The following SYT1 variants were observed in gnomAD, a reference collection of about 807,000 sequenced individuals.
SYT1 encodes the protein synaptotagmin-1.
SYT1 carries 8 observed loss-of-function variants against 44.8 expected under a neutral mutation model. The observed-to-expected ratio is 0.18, with a 90% CI of 0.10 to 0.32. SYT1 has a LOEUF of 0.32. Ranked by LOEUF, SYT1 falls within the 10% of genes least tolerant of loss-of-function variation. SYT1 has a pLI of 1.00. For synonymous variants in SYT1, 154 were observed against 188.8 expected (o/e 0.82, Z 1.51); for missense variants, 286 against 509.3 (o/e 0.56, Z 4.22).
chr12:79,232,207 A>G (rs1269718896), intron 4 of SYT1, among the ~76,000 whole-genome samples: 1 of 152,258 alleles, frequency 6.6e-6, no homozygotes, highest in African/African-American at 2.4e-5. Context: ...CTGCATATGT[A>G]TAGAGCACCT....
intron 4 of SYT1, among the ~76,000 whole-genome samples, chr12:79,267,758 C>T (rs1878211168): frequency 6.6e-6 from 1 of 152,140 alleles, no homozygotes; most frequent in African/African-American, 2.4e-5. Context: ...CGCACTTCTC[C>T]CTGGAGCCTG....
At chr12:79,070,765 T>C (rs1876215393) in intron 3 of SYT1, among the ~76,000 whole-genome samples, 1 of 152,094 alleles carries the variant, frequency 6.6e-6, no homozygotes, top group Admixed American at 6.6e-5. Flanking sequence ...AACTACCTAT[T>C]GGGTACTATG....
At chr12:78,878,193 G>A (rs77517663) in intron 1 of SYT1, among the ~76,000 whole-genome samples, 4,206 of 151,602 alleles carry the variant, frequency 0.028, 191 homozygotes, top group African/African-American at 0.096. Context: ...GAGGATACAC[G>A]AAAGGAATAA....
chr12:79,017,994 G>A (rs1411288030), intron 2 of SYT1, among the ~76,000 whole-genome samples: 1 of 151,900 alleles, frequency 6.6e-6, no homozygotes. Context: ...GGATAATGAG[G>A]ACAAAGAAGG....
intron 3 of SYT1, among the ~76,000 whole-genome samples, chr12:79,089,980 C>A (rs955750192): frequency 5.9e-5 from 9 of 152,002 alleles, no homozygotes; most frequent in Non-Finnish European, 1.3e-4. Context: ...AACTATGTAA[C>A]AACGTGAGGG....
At chr12:79,247,520 A>T (rs1023391461) in intron 4 of SYT1, among the ~76,000 whole-genome samples, 1 of 152,212 alleles carries the variant, frequency 6.6e-6, no homozygotes, top group Non-Finnish European at 1.5e-5. Flanking sequence ...TTTATGGGAA[A>T]TTATTAAGAA....
At chr12:79,061,162 C>A (rs573886882) in intron 3 of SYT1, among the ~76,000 whole-genome samples, 2 of 151,950 alleles carry the variant, frequency 1.3e-5, no homozygotes. Flanking sequence ...TTCTAATCAG[C>A]GTATTATGGA....
intron 4 of SYT1, among the ~76,000 whole-genome samples, chr12:79,223,450 G>C (rs1875297264): frequency 6.6e-6 from 1 of 152,156 alleles, no homozygotes; most frequent in Admixed American, 6.5e-5. Context: ...GCTGAAGCCA[G>C]TGCAGTGCTG....
At chr12:78,958,566 A>C (rs1395113305) in intron 1 of SYT1, among the ~76,000 whole-genome samples, 1 of 152,056 alleles carries the variant, frequency 6.6e-6, no homozygotes, top group Non-Finnish European at 1.5e-5. Flanking sequence ...GTGGTGGCAC[A>C]CACCTGAAAT....
chr12:78,905,040 A>G (rs1008536889), intron 1 of SYT1, among the ~76,000 whole-genome samples: 2 of 152,144 alleles, frequency 1.3e-5, no homozygotes, highest in East Asian at 3.9e-4. Flanking sequence ...ATAAAACTGT[A>G]GCTTTTTTGT....
intron 3 of SYT1, among the ~76,000 whole-genome samples, chr12:79,047,986 G>C (rs985425286): frequency 7.9e-5 from 12 of 151,794 alleles, no homozygotes; most frequent in South Asian, 2.1e-4. Flanking sequence ...TGGTAAAATT[G>C]GTGACAATAT....
intron 2 of SYT1, among the ~76,000 whole-genome samples, chr12:79,022,284 G>C (rs2137628306): frequency 6.6e-6 from 1 of 151,902 alleles, no homozygotes; most frequent in African/African-American, 2.4e-5. Context: ...ACTGCTTGGA[G>C]ACAAAGGTGG....
chr12:79,349,035 A>AAAGAAAGAAAGAAAGAAAGAAAG (rs1565919879), intron 8 of SYT1, among the ~76,000 whole-genome samples: 19 of 113,294 alleles, frequency 1.7e-4, no homozygotes, highest in Admixed American at 5.8e-4. Flanking sequence ...AAGAAAGAAA[A>AAAGAAAGAAAGAAAGAAAGAAAG]AGAAAGAAAG....
chr12:78,938,813 G>T (rs987386732), intron 1 of SYT1, among the ~76,000 whole-genome samples: 5 of 152,210 alleles, frequency 3.3e-5, no homozygotes, highest in Admixed American at 3.3e-4. Context: ...CCGTCTTTGT[G>T]TAGCTCACAC....
intron 2 of SYT1, among the ~76,000 whole-genome samples, chr12:78,994,217 G>C (rs1409990869): frequency 4.6e-5 from 7 of 152,134 alleles, no homozygotes; most frequent in Non-Finnish European, 1.0e-4. Context: ...AATTAGCCTA[G>C]TCTTTCTGTG....
chr12:79,377,099 T>TTTCTG (rs1884024755), intron 9 of SYT1, among the ~76,000 whole-genome samples: 1 of 121,476 alleles, frequency 8.2e-6, no homozygotes, highest in African/African-American at 4.8e-5. Context: ...TATGTAACAT[T>TTTCTG]TTTTGTTTTT....
At chr12:78,931,490 A>T (rs1877751391) in intron 1 of SYT1, among the ~76,000 whole-genome samples, 1 of 152,264 alleles carries the variant, frequency 6.6e-6, no homozygotes, top group African/African-American at 2.4e-5. Context: ...AGAAAGAGAA[A>T]GAGTTAGGTA....
chr12:79,421,874 C>G (rs1325214906), intron 9 of SYT1, among the ~76,000 whole-genome samples: 3 of 151,996 alleles, frequency 2.0e-5, no homozygotes, highest in Admixed American at 6.6e-5. Context: ...TTCTTTCAAT[C>G]TATAAATGTG....
At chr12:79,379,324 G>A (rs1045204162) in intron 9 of SYT1, among the ~76,000 whole-genome samples, 1 of 152,088 alleles carries the variant, frequency 6.6e-6, no homozygotes, top group African/African-American at 2.4e-5. Context: ...TAAAACCTCG[G>A]TCGAAAATAT....
Sources: gnomAD v4.1 joint callset for allele counts (sites outside exome capture counted in the v4.1 genomes callset) on GRCh38, gnomAD v4.1.1 for gene constraint, MANE v1.5 for transcripts, NCBI Gene and HGNC (gene_info 2026-07-23, HGNC 2026-07-21) for gene names.